The following SRCAP variants were observed in gnomAD, a reference collection of about 807,000 sequenced individuals.
SRCAP encodes the protein chromatin remodeling protein SRCAP.
Under a neutral mutation model 263.1 loss-of-function variants are expected in SRCAP, and 46 were observed. That is an observed-to-expected ratio of 0.17 (90% CI 0.14 to 0.22). SRCAP has a LOEUF of 0.22. Ranked by LOEUF, SRCAP falls within the 10% of genes least tolerant of loss-of-function variation. The probability of loss-of-function intolerance (pLI) is 1.00; values close to 1 mark genes in which losing one functional copy is unlikely to be tolerated. For missense variants in SRCAP, 3,695 were observed against 4,181.9 expected, an observed-to-expected ratio of 0.88 and a Z score of 3.21; for synonymous variants, 1,813 against 1,662.1, an observed-to-expected ratio of 1.09 and a Z score of -2.21.
In SRCAP at chr16:30,723,073, A is replaced by G. The variant is rs1468774705; in HGVS notation, c.4003A>G (p.Ser1335Gly). Residue 1335 changes from serine (S) to glycine (G), a missense_variant, in exon 24 of 34, where the codon AGC becomes GGC. Physicochemically the swap from Ser to Gly is moderately conservative, Grantham distance 56. This residue lies in a region of SRCAP where 1,347 missense variants were observed against 1,304.4 expected (regional missense o/e 1.03). Coordinates refer to ENST00000262518, the MANE Select transcript of SRCAP (RefSeq NM_006662.3). ...ATTGGCCCCAGCACCCCGGCCTCCG[A>G]GCTCTGGGCTTCCAGCTGTGTTGAA... ...PPLAPAPRPP[S>G]SGLPAVLNPR... 13 of 1,613,944 alleles carry G rather than the reference A, an allele frequency of 8.1e-6. No individual in the cohort carries two copies. The highest frequency in any genetic ancestry group is 1.1e-5 in the Non-Finnish European group (13 of 1,179,978).
rs763714146 is a variant in SRCAP at position 30,737,323 on chromosome 16, G to A, written c.7283G>A (p.Arg2428His). The A allele has an allele frequency of 1.5e-5, 25 of 1,613,912 alleles. No homozygotes were observed. The highest frequency in any genetic ancestry group is 6.7e-5 in the East Asian group (3 of 44,886). The change falls in exon 34 of 34, where the codon CGC becomes CAC. Residue 2428 changes from arginine (R) to histidine (H), a missense_variant. Physicochemically the swap from Arg to His is conservative, Grantham distance 29. This residue lies in a region of SRCAP where 1,207 missense variants were observed against 1,142.9 expected (regional missense o/e 1.06). Transcript: ENST00000262518. Reference protein sequence around the residue: ...HQTRSTTTPPRCSPARERVPR... With the variant: ...HQTRSTTTPPHCSPARERVPR... Reference sequence around the variant, plus strand: ...ACTCGCAGCACCACCACACCACCCCGCTGCAGTCCTGCCAGGGAGCGAGTT... The same window carrying A: ...ACTCGCAGCACCACCACACCACCCCACTGCAGTCCTGCCAGGGAGCGAGTT...
In SRCAP at chr16:30,704,076, G is replaced by A. The variant is rs138333984; in HGVS notation, c.67G>A (p.Gly23Ser). Residue 23 changes from glycine to serine, a missense_variant, in exon 4 of 34, where the codon GGC becomes AGC. Transcript: ENST00000262518. Reference protein sequence around the residue: ...PVLQTQMVSDGMTGSNPVSPA... With the variant: ...PVLQTQMVSDSMTGSNPVSPA... The stretch of plus-strand genomic sequence containing the variant: ...TCCTCTTTTCTAGATGGTGTCGGAC[G>A]GCATGACAGGCAGCAATCCTGTGTC... 6.9e-5 allele frequency: 112 copies of A among 1,613,074 alleles called. No individual in the cohort carries two copies. The East Asian group carries it at 2.4e-3, about 34-fold the overall frequency.
intron 19 of SRCAP, 145 bp downstream of exon 19, chr16:30,720,476 GAGAATAACT>G: frequency 9.2e-7 from 1 of 1,092,520 alleles, no homozygotes; most frequent in Non-Finnish European, 1.3e-6. Context: ...GAATCAGGGA[GAGAATAACT>G]AGAAGAGGGT....
chr16:30,722,472 T>G, intron 22 of SRCAP, 91 bp from the exon 23 acceptor site: 1 of 1,535,446 alleles, frequency 6.5e-7, no homozygotes, highest in Non-Finnish European at 8.9e-7. Flanking sequence ...ATGTATTCCC[T>G]CTCTGTTCTT....
chr16:30,736,980 C>G lies in SRCAP; in HGVS notation c.7009-69C>G, dbSNP rs1229654468. 3.3e-6 allele frequency: 5 copies of G among 1,494,468 alleles called. No individual in the cohort carries two copies. In the African/African-American group the frequency reaches 7.0e-5, roughly 21 times the overall value. 92.6% of individuals were successfully genotyped at this position (1,494,468 alleles called of 1,614,324 possible). A position where few individuals can be genotyped will look rare whatever the true frequency, so the allele number is the denominator to read the frequency against. On this transcript the variant is annotated intron_variant, in intron 33 of 33. Transcript: ENST00000262518. ...TGAGCCACCGCGCCTGACCTGGAAG[C>G]TGCTAATTTCTACTCACTCTCTACT... is the stretch of plus-strand genomic sequence containing the variant.
chr16:30,736,276 C>G lies in SRCAP; in HGVS notation c.6806C>G (p.Ala2269Gly). Residue 2269 changes from alanine (A) to glycine (G), a missense_variant, in exon 32 of 34, where the codon GCA (alanine) becomes GGA (glycine). Transcript: ENST00000262518. ...QAKAEQVAEL[A>G]EFNENDGFPA... ...AAGGCTGAACAGGTGGCTGAGCTTG[C>G]AGAATTTAATGAGAACGATGGGTTT... 1 of 1,614,138 alleles carries G rather than the reference C, an allele frequency of 6.2e-7. No individual in the cohort carries two copies. Among genetic ancestry groups the G allele is most frequent in the Non-Finnish European group, 8.5e-7 (1 of 1,180,032 alleles).
chr16:30,703,149 C>CTATATATA lies in SRCAP; in HGVS notation c.55-903_55-896dup, dbSNP rs368190667. Among the ~76,000 whole-genome samples the CTATATATA allele has an allele frequency of 4.0e-3, 579 of 143,390 alleles. 3 individuals are homozygous for CTATATATA. Among genetic ancestry groups the CTATATATA allele is most frequent in the African/African-American group, 0.014 (561 of 38,708 alleles). The allele number at this position is 143,390 out of a possible 152,430, so 94.1% of individuals were successfully genotyped here. On this transcript the variant is annotated intron_variant, in intron 3 of 33. Transcript: ENST00000262518. The stretch of plus-strand genomic sequence containing the variant: ...AACGATCAGAATTTGAAATCATATG[C>CTATATATA]TATATATATATATATATATGTATGT...
rs1434846873 is a variant in SRCAP, at chr16:30,709,725, G to C, written c.846G>C (p.Leu282=). 5.6e-6 allele frequency: 9 copies of C among 1,614,158 alleles called. No individual in the cohort carries two copies. Among genetic ancestry groups the C allele is most frequent in the Non-Finnish European group, 7.6e-6 (9 of 1,180,042 alleles). ...ASSPPPPASR[L]DDEDGDFQPQ... ...GTCCTCCACCCCCTGCTTCTCGCCT[G>C]GATGATGAAGGTGTGTGTTCTCTTT... is the stretch of plus-strand genomic sequence containing the variant. Residue 282 remains leucine (L), a synonymous_variant, in exon 7 of 34, where the codon CTG becomes CTC. Transcript: ENST00000262518.
Position 30,733,333 on chromosome 16 carries a change from C to A in SRCAP, c.6181C>A (p.Arg2061=), listed in dbSNP as rs1344011536. 1 of 1,614,024 alleles carries A rather than the reference C, an allele frequency of 6.2e-7. No homozygotes were observed. Among genetic ancestry groups the A allele is most frequent in the East Asian group, 2.2e-5 (1 of 44,898 alleles). ...GCGGCAGCTCAAGGCAGAGGGCCAC[C>A]GAGTGCTCATCTTCACCCAGATGAC... The part of the protein sequence containing the change: ...LLRQLKAEGH[R]VLIFTQMTRM... The change falls in exon 28 of 34, where the codon CGA becomes AGA. Residue 2061 remains arginine, a synonymous_variant. Coordinates refer to ENST00000262518, the MANE Select transcript of SRCAP (RefSeq NM_006662.3). This position sits in a 1 kb window ranked among gnomAD's most constrained non-coding sequence, Gnocchi z 5.3.
intron 13 of SRCAP, 46 bp from the exon 14 acceptor site, chr16:30,712,633 A>G (rs764806829): frequency 1.2e-6 from 2 of 1,612,840 alleles, no homozygotes; most frequent in African/African-American, 1.3e-5. Flanking sequence ...AATCAGAACC[A>G]CAGAATTTAC....
intron 13 of SRCAP, 35 bp downstream of exon 13, chr16:30,712,474 A>G (rs1162451656): frequency 6.5e-7 from 1 of 1,539,534 alleles, no homozygotes; most frequent in South Asian, 1.3e-5. Flanking sequence ...TGTTCCCCCT[A>G]GTCTAGCTCC....
chr16:30,718,249 T>C (rs544310287), intron 18 of SRCAP, among the ~76,000 whole-genome samples: 5 of 152,046 alleles, frequency 3.3e-5, no homozygotes, highest in Non-Finnish European at 7.4e-5. Flanking sequence ...CAATCTCAGC[T>C]CATTGCAACC....
At position 30,707,379 on chromosome 16, in the gene SRCAP, C is replaced by G; in HGVS notation, c.492+11C>G. 1 of 1,612,484 alleles carries G rather than the reference C, an allele frequency of 6.2e-7. No individual in the cohort carries two copies. Among genetic ancestry groups the G allele is most frequent in the Non-Finnish European group, 8.5e-7 (1 of 1,178,986 alleles). On this transcript the variant is annotated intron_variant, in intron 5 of 33. Coordinates refer to ENST00000262518, the MANE Select transcript of SRCAP (RefSeq NM_006662.3). ...GGTGTGGCCCGGAAGGTAGGTCTTC[C>G]GCTGGGACTTCCTTCCTTTTCCTTT...
intron 31 of SRCAP, among the ~76,000 whole-genome samples, chr16:30,735,823 C>G (rs1021010611): frequency 5.9e-5 from 9 of 151,876 alleles, no homozygotes; most frequent in Non-Finnish European, 1.3e-4. Flanking sequence ...TCATGATCTG[C>G]CCGCCTTGGC....
chr16:30,716,789 C>T (rs571979183), intron 18 of SRCAP, among the ~76,000 whole-genome samples: 11 of 152,272 alleles, frequency 7.2e-5, no homozygotes, highest in African/African-American at 2.2e-4. Context: ...AAATTCTTTA[C>T]TTGCTGAGGG....
chr16:30,708,282 C>T (rs2052849489), intron 6 of SRCAP, among the ~76,000 whole-genome samples: 1 of 152,066 alleles, frequency 6.6e-6, no homozygotes, highest in South Asian at 2.1e-4. Flanking sequence ...GATCACAGCT[C>T]ACTGCATCCT....
chr16:30,710,770 C>T lies in SRCAP; in HGVS notation c.1151C>T (p.Ser384Phe). 2 of 1,614,242 alleles carry T rather than the reference C, an allele frequency of 1.2e-6. No homozygotes were observed. Among genetic ancestry groups the T allele is most frequent in the African/African-American group, 1.3e-5 (1 of 75,056 alleles). Residue 384 changes from serine (S) to phenylalanine (F), a missense_variant, in exon 9 of 34, where the codon TCT becomes TTT. Coordinates refer to ENST00000262518, the MANE Select transcript of SRCAP (RefSeq NM_006662.3). ...PQVLEIKPPPSAVTQRNKQPW... is the reference protein window; with the variant it reads ...PQVLEIKPPPFAVTQRNKQPW... ...GCCATACAGATAAAGCCCCCACCCT[C>T]TGCTGTCACACAGCGCAACAAACAG...
chr16:30,718,108 A>C (rs1213893618), intron 18 of SRCAP, among the ~76,000 whole-genome samples: 1 of 151,294 alleles, frequency 6.6e-6, no homozygotes, highest in African/African-American at 2.4e-5. Flanking sequence ...CCTGGCCTCA[A>C]GTGATCCTTC....
At position 30,739,207 on chromosome 16, in the gene SRCAP, A is replaced by G. The variant is rs748992549; in HGVS notation, c.9167A>G (p.Asp3056Gly). The G allele has an allele frequency of 1.2e-6, 2 of 1,613,628 alleles. No homozygotes were observed. The highest frequency in any genetic ancestry group is 1.1e-5 in the South Asian group (1 of 91,082). Residue 3056 changes from aspartate to glycine, a missense_variant, in exon 34 of 34, where the codon GAT (aspartate) becomes GGT (glycine). This residue lies in a region of SRCAP where 1,207 missense variants were observed against 1,142.9 expected (regional missense o/e 1.06). Transcript: ENST00000262518. ...GQGESEGSSS[D>G]EDGSRPLTRL... is the part of the protein sequence containing the mutation. The stretch of plus-strand genomic sequence containing the variant: ...GGGGAGAGTGAGGGTAGTTCCTCTG[A>G]TGAGGATGGAAGCCGCCCCCTCACC...
Sources: allele counts gnomAD v4.1 joint callset (sites outside exome capture counted in the v4.1 genomes callset), GRCh38; gene constraint gnomAD v4.1.1; regional missense constraint gnomAD v4.1.1; non-coding constraint Gnocchi (gnomAD v3.1); transcripts MANE v1.5; gene names NCBI Gene and HGNC (gene_info 2026-07-23, HGNC 2026-07-21).